ZNF507: variants seen among roughly 807,000 people sequenced by gnomAD.
The protein encoded by ZNF507 is zinc finger protein 507.
ZNF507 carries 29 observed loss-of-function variants against 80.0 expected under a neutral mutation model. The observed-to-expected ratio is 0.36, with a 90% CI of 0.27 to 0.49. The LOEUF is 0.49. Among genes scored for constraint, ZNF507 ranks in the 20% least tolerant of loss-of-function variants. ZNF507 has a pLI of 0.98. For missense variants in ZNF507, 1,081 were observed against 1,152.2 expected (o/e 0.94, Z 0.90); for synonymous variants, 462 against 422.5 (o/e 1.09, Z -1.15).
intron 5 of ZNF507, among the ~76,000 whole-genome samples, chr19:32,365,541 A>G (rs1301624505): frequency 1.3e-5 from 2 of 152,134 alleles, no homozygotes; most frequent in Non-Finnish European, 2.9e-5. Flanking sequence ...TGACATTTAT[A>G]ACATTGGCCC....
At chr19:32,358,326 C>T (rs901726312) in intron 4 of ZNF507, 2 of 152,188 alleles carry the variant, frequency 1.3e-5, no homozygotes, top group East Asian at 1.9e-4. Flanking sequence ...AACTTCTTTA[C>T]CTATTTAGTA....
At position 32,354,575 on chromosome 19, in the gene ZNF507, G is replaced by C. The variant is rs1967223108; in HGVS notation, c.1745G>C (p.Gly582Ala). 1.2e-6 allele frequency: 2 copies of C among 1,614,124 alleles called. No individual in the cohort carries two copies. The highest frequency in any genetic ancestry group is 1.7e-6 in the Non-Finnish European group (2 of 1,180,012). Residue 582 changes from glycine to alanine, a missense_variant, in exon 3 of 7, where the codon GGC (glycine) becomes GCC (alanine). Physicochemically the swap from Gly to Ala is moderately conservative, Grantham distance 60 (BLOSUM62 0). Around this residue, in one of 6 missense-constraint regions of ZNF507, gnomAD observed 614 missense variants for 583.9 expected, o/e 1.05. Coordinates refer to ENST00000355898, the MANE Select transcript of ZNF507 (RefSeq NM_001136156.2). ...TTGTCAGATGGGCAGGTTAAGACAG[G>C]CATCAGCATGTCCTTACTCACCGTC... ...QELSDGQVKT[G>A]ISMSLLTVIE...
chr19:32,356,546 T>G, intron 3 of ZNF507, 70 bp from the exon 4 acceptor site: 1 of 1,103,690 alleles, frequency 9.1e-7, no homozygotes, highest in Non-Finnish European at 1.4e-6. Context: ...ATGAACCTGT[T>G]CTTCTACAGC....
chr19:32,354,234 G>A lies in ZNF507; in HGVS notation c.1404G>A (p.Met468Ile), dbSNP rs1450399240. 1.9e-6 allele frequency: 3 copies of A among 1,614,042 alleles called. No homozygotes were observed. The South Asian group carries it at 3.3e-5, about 18-fold the overall frequency. ...GTTCAGAGAAAAAAGACGAGTTAAT[G>A]AATAAAGGCCTGGCTACTGATGAGA... ...WSSSEKKDEL[M>I]NKGLATDENA... Residue 468 changes from methionine (M) to isoleucine (I), a missense_variant, in exon 3 of 7, where the codon ATG (methionine) becomes ATA (isoleucine). Transcript: ENST00000355898.
chr19:32,353,133 A>C lies in ZNF507; in HGVS notation c.303A>C (p.Arg101Ser), dbSNP rs746465513. 1.2e-6 allele frequency: 2 copies of C among 1,614,238 alleles called. No individual in the cohort carries two copies. Among genetic ancestry groups the C allele is most frequent in the South Asian group, 1.1e-5 (1 of 91,088 alleles). ...TCCAGTCACCTGCTGCTGATACTAG[A>C]AGGGCTGAGATGTCACAAACAAATT... Reference protein sequence around the residue: ...KVIQSPAADTRRAEMSQTNFT... With the variant: ...KVIQSPAADTSRAEMSQTNFT... Residue 101 changes from arginine (R) to serine (S), a missense_variant, in exon 3 of 7, where the codon AGA (arginine) becomes AGC (serine). Transcript: ENST00000355898.
At chr19:32,376,877 G>A (rs139954149) in intron 5 of ZNF507, among the ~76,000 whole-genome samples, 4,890 of 152,238 alleles carry the variant, frequency 0.032, 255 homozygotes, top group African/African-American at 0.11. Flanking sequence ...CTGGACAGGG[G>A]GCCCTTCCCT....
At chr19:32,374,592 G>A (rs971270776) in intron 5 of ZNF507, among the ~76,000 whole-genome samples, 8 of 150,838 alleles carry the variant, frequency 5.3e-5, no homozygotes, top group Admixed American at 1.3e-4. Context: ...AGAGATTCTC[G>A]TGCCTCAGCC....
At chr19:32,365,884 A>G (rs531792843) in intron 5 of ZNF507, among the ~76,000 whole-genome samples, 4 of 152,316 alleles carry the variant, frequency 2.6e-5, no homozygotes, top group African/African-American at 9.6e-5. Flanking sequence ...TGCTCGGTAA[A>G]TGTTGACTGA....
At chr19:32,373,041 C>CT (rs1967495438) in intron 5 of ZNF507, among the ~76,000 whole-genome samples, 2 of 152,184 alleles carry the variant, frequency 1.3e-5, no homozygotes, top group African/African-American at 2.4e-5. Flanking sequence ...TCATAAATAA[C>CT]ACCTTTTTGC....
intron 4 of ZNF507, chr19:32,358,211 G>A (rs1256184815): frequency 6.6e-6 from 1 of 152,054 alleles, no homozygotes; most frequent in Non-Finnish European, 1.5e-5. Flanking sequence ...ATACCTGGAT[G>A]GGTACTTTAT....
chr19:32,358,405 A>G (rs1967278963), intron 4 of ZNF507: 1 of 152,258 alleles, frequency 6.6e-6, no homozygotes, highest in Non-Finnish European at 1.5e-5. Context: ...GATAGCACAG[A>G]TACCTTAGGG....
At position 32,382,713 on chromosome 19, in the gene ZNF507, T is replaced by G. The variant is rs778390062; in HGVS notation, c.2496-4T>G. 1.2e-6 allele frequency: 2 copies of G among 1,610,440 alleles called. No individual in the cohort carries two copies. Among genetic ancestry groups the G allele is most frequent in the Non-Finnish European group, 1.7e-6 (2 of 1,177,812 alleles). ...CGGTGTGCTGTGTTTGTTTTGTTTTTAAGAGTTCTGGGGAAATCCCCTGGA... is the reference window on the plus strand; with the variant it reads ...CGGTGTGCTGTGTTTGTTTTGTTTTGAAGAGTTCTGGGGAAATCCCCTGGA... On this transcript the variant is annotated splice_region_variant and splice_polypyrimidine_tract_variant and intron_variant, in intron 6 of 6. Transcript: ENST00000355898.
At chr19:32,374,231 T>C (rs1202308880) in intron 5 of ZNF507, among the ~76,000 whole-genome samples, 1 of 151,690 alleles carries the variant, frequency 6.6e-6, no homozygotes, top group Admixed American at 6.6e-5. Context: ...CTTCTTCTTG[T>C]GTATTTTATT....
At chr19:32,361,412 T>C (rs1167777602) in intron 5 of ZNF507, among the ~76,000 whole-genome samples, 2 of 152,214 alleles carry the variant, frequency 1.3e-5, no homozygotes, top group African/African-American at 2.4e-5. Flanking sequence ...GGGAAAGTTA[T>C]TGTATTAATC....
At chr19:32,366,275 A>G (rs1318924815) in intron 5 of ZNF507, among the ~76,000 whole-genome samples, 1 of 152,212 alleles carries the variant, frequency 6.6e-6, no homozygotes, top group Non-Finnish European at 1.5e-5. Context: ...ATAAAGGTAC[A>G]GCTGATGAAT....
intron 5 of ZNF507, chr19:32,380,645 G>C (rs950624801): frequency 1.3e-6 from 2 of 1,532,922 alleles, no homozygotes; most frequent in Non-Finnish European, 1.7e-6. Flanking sequence ...TGGTTTGTTA[G>C]GTTTGTAATT....
rs1338550631 is a variant in ZNF507, at chr19:32,360,595, C to T, written c.2337C>T (p.Ile779=). 6.3e-7 allele frequency: 1 copy of T among 1,598,582 alleles called. No homozygotes were observed. The highest frequency in any genetic ancestry group is 8.5e-7 in the Non-Finnish European group (1 of 1,171,932). The change falls in exon 5 of 7, where the codon ATC becomes ATT. Residue 779 remains isoleucine, a synonymous_variant. Coordinates refer to ENST00000355898, the MANE Select transcript of ZNF507 (RefSeq NM_001136156.2). ...TTGGTGTCAGAAACCACAGGCGAAT[C>T]CATAACTCTGATAAGCCGTACAGGT... The part of the protein sequence containing the change: ...TYVGVRNHRR[I]HNSDKPYRCS...
chr19:32,353,770 C>G lies in ZNF507; in HGVS notation c.940C>G (p.Leu314Val). 1.2e-6 allele frequency: 2 copies of G among 1,614,152 alleles called. No homozygotes were observed. The highest frequency in any genetic ancestry group is 1.7e-6 in the Non-Finnish European group (2 of 1,180,022). The part of the protein sequence containing the change: ...AVVIAIGESE[L>V]SIHNGPSVQV... The stretch of plus-strand genomic sequence containing the variant: ...CGTCATTGCTATTGGAGAGAGTGAA[C>G]TGAGTATCCACAATGGGCCATCAGT... Residue 314 changes from leucine to valine, a missense_variant, in exon 3 of 7, where the codon CTG becomes GTG. This residue lies in a region of ZNF507 where 614 missense variants were observed against 583.9 expected (regional missense o/e 1.05). Coordinates refer to ENST00000355898, the MANE Select transcript of ZNF507 (RefSeq NM_001136156.2).
At chr19:32,351,499 GTTTGTGTATA>G in intron 2 of ZNF507, among the ~76,000 whole-genome samples, 10 of 106,758 alleles carry the variant, frequency 9.4e-5, no homozygotes, top group African/African-American at 2.9e-4. Flanking sequence ...CTGTTTTTGT[GTTTGTGTATA>G]TGTGTGTGTG....
Sources: gnomAD v4.1 joint callset for allele counts (sites outside exome capture counted in the v4.1 genomes callset) on GRCh38, gnomAD v4.1.1 for gene constraint, gnomAD v4.1.1 regional missense constraint, MANE v1.5 for transcripts, NCBI Gene and HGNC (gene_info 2026-07-23, HGNC 2026-07-21) for gene names.